PPP1R12A: variants seen among roughly 807,000 people sequenced by gnomAD.
PPP1R12A encodes protein phosphatase 1 regulatory subunit 12A.
In PPP1R12A, 19 loss-of-function variants were observed where a neutral mutation model predicts 139.6. That is an observed-to-expected ratio of 0.14 (90% CI 0.09 to 0.20). The LOEUF (loss-of-function observed/expected upper bound fraction) is 0.20. PPP1R12A is among the 10% of genes least tolerant of loss of function. The probability of loss-of-function intolerance (pLI) is 1.00; values close to 1 mark genes in which losing one functional copy is unlikely to be tolerated. For missense variants in PPP1R12A, 925 were observed against 1,211.5 expected (o/e 0.76, Z 3.51); for synonymous variants, 427 against 420.6 (o/e 1.02, Z -0.19).
At position 79,812,391 on chromosome 12, in the gene PPP1R12A, CGTGTGT is replaced by C. The variant is rs1156924649; in HGVS notation, c.1240-2387_1240-2382del. On this transcript the variant is annotated intron_variant, in intron 9 of 24. Transcript: ENST00000450142. ...CTTTTCTTGACTGACTCTGTGTGTG[CGTGTGT>C]GTGTGTGTGTGTGTGTGTGTGTGTA... Among the ~76,000 whole-genome samples, 789 of 134,608 alleles carry C rather than the reference CGTGTGT, an allele frequency of 5.9e-3. 5 individuals carry two copies. Among genetic ancestry groups the C allele is most frequent in the African/African-American group, 0.021 (750 of 35,196 alleles). 88.3% of individuals were successfully genotyped at this position (134,608 alleles called of 152,430 possible). A position where few individuals can be genotyped will look rare whatever the true frequency, so the allele number is the denominator to read the frequency against.
intron 1 of PPP1R12A, among the ~76,000 whole-genome samples, chr12:79,934,201 A>G (rs563440823): frequency 5.1e-4 from 77 of 152,312 alleles, no homozygotes; most frequent in Non-Finnish European, 2.8e-4. Context: ...TATTATTATC[A>G]TCATTTGTAA....
At chr12:79,928,096 T>A (rs1887982483) in intron 1 of PPP1R12A, among the ~76,000 whole-genome samples, 1 of 152,246 alleles carries the variant, frequency 6.6e-6, no homozygotes. Flanking sequence ...ATAAGATTTT[T>A]AAAACACTTT....
intron 1 of PPP1R12A, among the ~76,000 whole-genome samples, chr12:79,897,296 C>T (rs1395141483): frequency 6.6e-6 from 1 of 152,126 alleles, no homozygotes; most frequent in Non-Finnish European, 1.5e-5. Context: ...AATGCAGGAA[C>T]AGAAAACCAA....
rs565155791 is a variant in PPP1R12A at position 79,928,854 on chromosome 12, T to C, written c.237+5841A>G. On this transcript the variant is annotated intron_variant, in intron 1 of 24. Transcript: ENST00000450142. ...ACAAAGATGCTTAAAATGGCTCCCT[T>C]AGAAGTAGATCAAATTTGTATTTTA... 6.6e-5 allele frequency among the ~76,000 whole-genome samples: 10 copies of C among 152,334 alleles called. No individual in the cohort carries two copies. In the South Asian group the frequency reaches 2.1e-3, roughly 32 times the overall value.
At chr12:79,892,221 G>C (rs991762386) in intron 1 of PPP1R12A, among the ~76,000 whole-genome samples, 1 of 152,070 alleles carries the variant, frequency 6.6e-6, no homozygotes, top group African/African-American at 2.4e-5. Context: ...CATCAAGTAA[G>C]AGTTACCTAA....
chr12:79,803,254 GGT>G (rs1873415062), intron 14 of PPP1R12A, among the ~76,000 whole-genome samples: 1 of 151,886 alleles, frequency 6.6e-6, no homozygotes, highest in East Asian at 1.9e-4. Flanking sequence ...CCTCCTTTGG[GGT>G]ACCTATCTAG....
At chr12:79,873,073 G>A in intron 1 of PPP1R12A, 135 bp from the exon 2 acceptor site, 1 of 1,000,302 alleles carries the variant, frequency 1.0e-6, no homozygotes, top group Non-Finnish European at 1.4e-6. Flanking sequence ...CTGCTATCTT[G>A]ACTATACTCC....
chr12:79,805,471 A>C, intron 14 of PPP1R12A, 121 bp downstream of exon 14: 1 of 818,410 alleles, frequency 1.2e-6, no homozygotes, highest in Non-Finnish European at 1.8e-6. Context: ...CTGACAGGGT[A>C]TTTCATTTAT....
At chr12:79,910,335 C>T (rs920575283) in intron 1 of PPP1R12A, among the ~76,000 whole-genome samples, 2 of 151,794 alleles carry the variant, frequency 1.3e-5, no homozygotes, top group East Asian at 1.9e-4. Flanking sequence ...CAAAAATTAG[C>T]GGGGCTTGGT....
chr12:79,879,914 T>C (rs1024957167), intron 1 of PPP1R12A, among the ~76,000 whole-genome samples: 2 of 152,026 alleles, frequency 1.3e-5, no homozygotes, highest in Non-Finnish European at 2.9e-5. Context: ...CTACTATGTA[T>C]CACTTAAAAT....
chr12:79,886,549 C>A (rs995797593), intron 1 of PPP1R12A, among the ~76,000 whole-genome samples: 1 of 152,070 alleles, frequency 6.6e-6, no homozygotes, highest in Non-Finnish European at 1.5e-5. Context: ...GGGAACTCTT[C>A]ATTTGGACAA....
intron 3 of PPP1R12A, among the ~76,000 whole-genome samples, chr12:79,843,153 A>G (rs576638842): frequency 2.6e-5 from 4 of 152,106 alleles, no homozygotes; most frequent in Non-Finnish European, 5.9e-5. Flanking sequence ...CACTGTATAT[A>G]TATTTCACAT....
intron 3 of PPP1R12A, among the ~76,000 whole-genome samples, chr12:79,842,484 C>G (rs1878845250): frequency 6.6e-6 from 1 of 151,990 alleles, no homozygotes; most frequent in Non-Finnish European, 1.5e-5. Context: ...TCATACCATT[C>G]CTCTATCATT....
intron 1 of PPP1R12A, among the ~76,000 whole-genome samples, chr12:79,905,178 A>T (rs560846652): frequency 6.6e-6 from 1 of 151,200 alleles, no homozygotes; most frequent in Non-Finnish European, 1.5e-5. Context: ...TGTAAAGTCT[A>T]TTCTGCAAAA....
At position 79,796,870 on chromosome 12, in the gene PPP1R12A, C is replaced by A. The variant is rs2694657; in HGVS notation, c.2373G>T (p.Leu791=). ...SSSLSTMSSS[L]YASSQLNRPN... is the part of the protein sequence containing the mutation. The stretch of plus-strand genomic sequence containing the variant: ...GCCTGTTTAGTTGACTTGAAGCATA[C>A]AGTGAACTGCTCATAGTAGAAAGTG... The change falls in exon 17 of 25, where the codon CTG becomes CTT. Residue 791 remains leucine (L), a synonymous_variant. Coordinates refer to ENST00000450142, the MANE Select transcript of PPP1R12A (RefSeq NM_002480.3). 6 of 1,610,964 alleles carry A rather than the reference C, an allele frequency of 3.7e-6. No individual in the cohort carries two copies. The South Asian group carries it at 6.6e-5, about 18-fold the overall frequency.
At chr12:79,841,490 A>G (rs1878706517) in intron 3 of PPP1R12A, among the ~76,000 whole-genome samples, 1 of 152,192 alleles carries the variant, frequency 6.6e-6, no homozygotes, top group African/African-American at 2.4e-5. Flanking sequence ...AACACCCAGC[A>G]CATAGAACAT....
At chr12:79,805,126 G>T (rs1030397064) in intron 14 of PPP1R12A, among the ~76,000 whole-genome samples, 4 of 152,192 alleles carry the variant, frequency 2.6e-5, no homozygotes, top group South Asian at 4.1e-4. Context: ...CTTATGCACA[G>T]AAGTCTTTCC....
At chr12:79,895,872 CAAAAT>C (rs1445945696) in intron 1 of PPP1R12A, among the ~76,000 whole-genome samples, 3 of 152,048 alleles carry the variant, frequency 2.0e-5, no homozygotes, top group Non-Finnish European at 4.4e-5. Flanking sequence ...AATGTGAAAA[CAAAAT>C]AATACAGCAA....
chr12:79,873,204 T>C (rs1480103428), intron 1 of PPP1R12A, among the ~76,000 whole-genome samples: 1 of 152,132 alleles, frequency 6.6e-6, no homozygotes, highest in African/African-American at 2.4e-5. Flanking sequence ...CCTATTAAAA[T>C]GAAGACATTA....
Sources: gnomAD v4.1 joint callset for allele counts (sites outside exome capture counted in the v4.1 genomes callset) on GRCh38, gnomAD v4.1.1 for gene constraint, MANE v1.5 for transcripts, NCBI Gene and HGNC (gene_info 2026-07-23, HGNC 2026-07-21) for gene names.